Variants in PGBD5 observed in about 807,000 individuals in gnomAD.
PGBD5 encodes the protein piggyBac transposable element derived 5, also known as piggyBac transposable element-derived protein 5.
PGBD5 carries 14 observed loss-of-function variants against 47.9 expected under a neutral mutation model. That is an observed-to-expected ratio of 0.29 (90% CI 0.19 to 0.46). PGBD5 has a LOEUF of 0.46. PGBD5 is among the 20% of genes least tolerant of loss of function. PGBD5 has a pLI of 1.00. For synonymous variants in PGBD5, 316 were observed against 306.3 expected (o/e 1.03, Z -0.33); for missense variants, 635 against 716.0 (o/e 0.89, Z 1.29).
chr1:230,327,298 T>C (rs959693067), intron 5 of PGBD5, among the ~76,000 whole-genome samples: 1 of 152,106 alleles, frequency 6.6e-6, no homozygotes, highest in Non-Finnish European at 1.5e-5. Flanking sequence ...CAAACGGGCA[T>C]GTCCTTTGCA....
At chr1:230,384,322 T>C (rs779025881) in intron 1 of PGBD5, among the ~76,000 whole-genome samples, 1 of 151,660 alleles carries the variant, frequency 6.6e-6, no homozygotes, top group Non-Finnish European at 1.5e-5. Context: ...GGGTGGGAAA[T>C]AGGGAAGGGA....
rs1667552228 is a variant in PGBD5 at position 230,350,966 on chromosome 1, T to C, written c.886A>G (p.Ile296Val). 3.7e-6 allele frequency: 6 copies of C among 1,614,032 alleles called. No individual in the cohort carries two copies. In the East Asian group the frequency reaches 1.1e-4, roughly 30 times the overall value. The change falls in exon 3 of 7, where the codon ATC becomes GTC. Residue 296 changes from isoleucine (I) to valine (V), a missense_variant. By Grantham distance (29) the Ile-to-Val change is conservative. Coordinates refer to ENST00000391860, the MANE Select transcript of PGBD5 (RefSeq NM_001258311.2). ...CTCAGCCCAGGGCTCACCTGGATGA[T>C]GAAGCCAGTGGAAGAACATTGTCTG... ...WVRQCSSTGF[I>V]IQIYVHLKEG...
intron 1 of PGBD5, among the ~76,000 whole-genome samples, chr1:230,391,990 C>A (rs772531610): frequency 6.6e-6 from 1 of 152,132 alleles, no homozygotes; most frequent in Non-Finnish European, 1.5e-5. Context: ...TTTAATGATG[C>A]GGTTAGAAAG....
intron 1 of PGBD5, among the ~76,000 whole-genome samples, chr1:230,399,855 T>C (rs1344097517): frequency 2.0e-5 from 3 of 152,244 alleles, no homozygotes; most frequent in Non-Finnish European, 2.9e-5. Flanking sequence ...CAGCTGGTCC[T>C]AGCTTCACAA....
chr1:230,325,141 G>A (rs1387010978), intron 6 of PGBD5, among the ~76,000 whole-genome samples, 169 bp downstream of exon 6: 2 of 152,344 alleles, frequency 1.3e-5, no homozygotes, highest in Middle Eastern at 3.4e-3. Context: ...AAAGCCATGT[G>A]TGCACAGGCG....
intron 3 of PGBD5, among the ~76,000 whole-genome samples, chr1:230,338,832 A>G (rs1168200077): frequency 6.7e-6 from 1 of 148,780 alleles, no homozygotes; most frequent in Non-Finnish European, 1.5e-5. Flanking sequence ...AAAAGAAAAG[A>G]AAAAAAAGCC....
At chr1:230,338,788 G>A (rs1014181009) in intron 3 of PGBD5, among the ~76,000 whole-genome samples, 8 of 151,822 alleles carry the variant, frequency 5.3e-5, no homozygotes, top group African/African-American at 1.9e-4. Flanking sequence ...CGACAAGAGC[G>A]AAATTCCATC....
chr1:230,336,950 T>C (rs1667332644), intron 4 of PGBD5, among the ~76,000 whole-genome samples, 158 bp downstream of exon 4: 1 of 152,198 alleles, frequency 6.6e-6, no homozygotes, highest in South Asian at 2.1e-4. Context: ...GCACACAGGG[T>C]GGCTGAGACG....
At position 230,315,965 on chromosome 1, in the gene PGBD5, T is replaced by C. The variant is rs1666934329; in HGVS notation, c.*7460A>G. On this transcript the variant is annotated 3_prime_UTR_variant, in exon 7 of 7. Transcript: ENST00000391860. ...ATGTGTATACATACATAAGTATATGTGTACACATATATGTATGTGTATACA... is the reference window on the plus strand; with the variant it reads ...ATGTGTATACATACATAAGTATATGCGTACACATATATGTATGTGTATACA... The C allele has an allele frequency of 6.9e-6, 1 of 145,280 alleles. No individual in the cohort carries two copies. The highest frequency in any genetic ancestry group is 6.9e-5 in the Admixed American group (1 of 14,476). 9.0% of individuals were successfully genotyped at this position (145,280 alleles called of 1,614,324 possible). A position where few individuals can be genotyped will look rare whatever the true frequency, so the allele number is the denominator to read the frequency against.
At chr1:230,350,095 C>T in intron 3 of PGBD5, among the ~76,000 whole-genome samples, 1 of 152,244 alleles carries the variant, frequency 6.6e-6, no homozygotes, top group Admixed American at 6.5e-5. Flanking sequence ...TGCAAAAACC[C>T]TGTGCCTTGG....
intron 6 of PGBD5, 43 bp downstream of exon 6, chr1:230,325,266 CA>C (rs765313550): frequency 7.1e-7 from 1 of 1,407,564 alleles, no homozygotes; most frequent in South Asian, 1.2e-5. Flanking sequence ...CGAGACGGCA[CA>C]ACTATGAGAG....
chr1:230,335,850 CACAGATACACACACAGATGCATACACGG>C (rs1667313935), intron 4 of PGBD5, among the ~76,000 whole-genome samples: 1 of 142,440 alleles, frequency 7.0e-6, no homozygotes, highest in East Asian at 2.0e-4. Flanking sequence ...CACACAGACA[CACAGATACACACACAGATGCATACACGG>C]ACACACAGAT....
chr1:230,357,334 G>T lies in PGBD5; in HGVS notation c.332-13C>A. 1 of 1,610,070 alleles carries T rather than the reference G, an allele frequency of 6.2e-7. No homozygotes were observed. The stretch of plus-strand genomic sequence containing the variant: ...TTTCGGGTGGGACCTGAAACCCAAA[G>T]ACAGGTGGAGTGTTCCTTAGGACGG... On this transcript the variant is annotated splice_polypyrimidine_tract_variant and intron_variant, in intron 1 of 6. Coordinates refer to ENST00000391860, the MANE Select transcript of PGBD5 (RefSeq NM_001258311.2). The surrounding 1 kb of genome is among the most constrained non-coding windows in gnomAD (Gnocchi z 5.7).
rs942311401 is a variant in PGBD5 at position 230,319,668 on chromosome 1, C to T, written c.*3757G>A. On this transcript the variant is annotated 3_prime_UTR_variant, in exon 7 of 7. Transcript: ENST00000391860. ...GGACCTGCAATCTTCTTGCTTCTTG[C>T]ACGCAGCAGAGTTAACTCAATTTTG... 6.6e-6 allele frequency: 1 copy of T among 152,156 alleles called. No individual in the cohort carries two copies. Among genetic ancestry groups the T allele is most frequent in the African/African-American group, 2.4e-5 (1 of 41,430 alleles). The allele number at this position is 152,156 out of a possible 1,614,324, so 9.4% of individuals were successfully genotyped here. A position where few individuals can be genotyped will look rare whatever the true frequency, so the allele number is the denominator to read the frequency against.
In PGBD5 at chr1:230,324,053, C is replaced by T. The variant is rs77620222; in HGVS notation, c.1380-433G>A. Reference sequence around the variant, plus strand: ...CAGGCCCCTGCAGGGCATTCCCCTGCTCCCGAATGTACCTTTGCCATCCCC... The same window carrying T: ...CAGGCCCCTGCAGGGCATTCCCCTGTTCCCGAATGTACCTTTGCCATCCCC... On this transcript the variant is annotated intron_variant, in intron 6 of 6. Coordinates refer to ENST00000391860, the MANE Select transcript of PGBD5 (RefSeq NM_001258311.2). Among the ~76,000 whole-genome samples the T allele has an allele frequency of 3.9e-3, 595 of 152,378 alleles. 8 individuals carry two copies. In the East Asian group the frequency reaches 0.051, roughly 13 times the overall value.
At chr1:230,400,520 T>C (rs1334997334) in intron 1 of PGBD5, among the ~76,000 whole-genome samples, 1 of 152,246 alleles carries the variant, frequency 6.6e-6, no homozygotes, top group African/African-American at 2.4e-5. Context: ...AAACAGTGCC[T>C]GAGACATAAT....
intron 1 of PGBD5, among the ~76,000 whole-genome samples, chr1:230,394,376 T>C (rs1392120840): frequency 6.6e-6 from 1 of 151,758 alleles, no homozygotes; most frequent in Non-Finnish European, 1.5e-5. Flanking sequence ...GATTTGCTCA[T>C]TGTCAGGCAC....
chr1:230,421,573 G>A (rs188687458), intron 1 of PGBD5, among the ~76,000 whole-genome samples: 75 of 152,276 alleles, frequency 4.9e-4, no homozygotes, highest in Admixed American at 3.3e-4. Context: ...GCATGAAAAT[G>A]CAAGTGACAA....
intron 1 of PGBD5, among the ~76,000 whole-genome samples, chr1:230,413,595 T>A (rs1657457879): frequency 6.6e-6 from 1 of 151,942 alleles, no homozygotes; most frequent in African/African-American, 2.4e-5. Context: ...GCAATGGAGA[T>A]TTTTTAAATC....
Sources: gnomAD v4.1 joint callset for allele counts (sites outside exome capture counted in the v4.1 genomes callset) on GRCh38, gnomAD v4.1.1 for gene constraint, Gnocchi (gnomAD v3.1) non-coding constraint, MANE v1.5 for transcripts, NCBI Gene and HGNC (gene_info 2026-07-23, HGNC 2026-07-21) for gene names.